TSEN34: variants seen among roughly 807,000 people sequenced by gnomAD.
The protein encoded by TSEN34 is tRNA-splicing endonuclease subunit Sen34.
In TSEN34, 25 loss-of-function variants were observed where a neutral mutation model predicts 30.2. The ratio of observed to expected loss-of-function variants is 0.83; its 90% confidence interval spans 0.60 to 1.16. TSEN34 has a LOEUF of 1.16. Ranked by LOEUF, TSEN34 falls within the 50% of genes most tolerant of loss-of-function variation. The probability of loss-of-function intolerance (pLI) is 0.00; values close to 1 mark genes in which losing one functional copy is unlikely to be tolerated. For synonymous variants in TSEN34, 209 were observed against 177.4 expected, an observed-to-expected ratio of 1.18 and a Z score of -1.41; for missense variants, 475 against 411.9, an observed-to-expected ratio of 1.15 and a Z score of -1.33.
Position 54,191,391 on chromosome 19 carries a change from C to A in TSEN34, c.27C>A (p.Gly9=). ...TGCTGGTGGTGGAGGTGGCGAACGG[C>A]CGCTCCCTGGTGTGGGGAGCCGAGG... MLVVEVAN[G]RSLVWGAEAV... is the part of the protein sequence containing the mutation. The change falls in exon 1 of 4, where the codon GGC becomes GGA. Residue 9 remains glycine (G), a synonymous_variant. Transcript: ENST00000396388. 1 of 1,549,622 alleles carries A rather than the reference C, an allele frequency of 6.5e-7. No homozygotes were observed. Among genetic ancestry groups the A allele is most frequent in the Non-Finnish European group, 8.7e-7 (1 of 1,146,982 alleles).
At chr19:54,189,828 C>T (rs535733073), upstream of TSEN34, 1 of 162,370 alleles carries the variant, frequency 6.2e-6, no homozygotes, top group Non-Finnish European at 1.4e-5. Flanking sequence ...AGAGCTGAGG[C>T]CACTGTGGGC....
rs1463298158 is a variant in TSEN34, at chr19:54,191,862, C to T, written c.385C>T (p.Gln129Ter). The T allele has an allele frequency of 6.2e-7, 1 of 1,614,104 alleles. No homozygotes were observed. The highest frequency in any genetic ancestry group is 1.7e-5 in the Admixed American group (1 of 60,020). ...GGCTGCTAAGAAGCAGAAACTAGAA[C>T]AGGCTTCAGGGGCCAGCTCAAGCCA... is the stretch of plus-strand genomic sequence containing the variant. Reference protein sequence around the residue: ...GQAAKKQKLEQASGASSSQEA... With the variant: ...GQAAKKQKLE Residue 129 changes from glutamine to a stop codon, truncating the protein, a stop_gained, in exon 2 of 4, where the codon CAG (glutamine) becomes TAG (stop). Transcript: ENST00000396388. LOFTEE classifies it high-confidence loss of function.
upstream of TSEN34, chr19:54,190,546 G>A (rs1038998501): frequency 2.1e-5 from 26 of 1,255,342 alleles, 1 homozygote; most frequent in Admixed American, 7.3e-4. Flanking sequence ...CCCCAACTGG[G>A]GTGCGCTGGC....
upstream of TSEN34, chr19:54,191,195 G>A (rs2076671782): frequency 7.2e-7 from 1 of 1,388,944 alleles, no homozygotes; most frequent in East Asian, 2.9e-5. Flanking sequence ...CCGGGGGCGG[G>A]GCCTGGCGCT....
At position 54,193,982 on chromosome 19, in the gene TSEN34, G is replaced by A. The variant is rs1046459097; in HGVS notation, c.*620G>A. ...TTTTGGAGGCCAAGGCAGGGGGATC[G>A]CTTGAGCCCAGGAGTTTGAGACCAG... On this transcript the variant is annotated 3_prime_UTR_variant, in exon 4 of 4. Transcript: ENST00000396388. 10 of 356,214 alleles carry A rather than the reference G, an allele frequency of 2.8e-5. No homozygotes were observed. Among genetic ancestry groups the A allele is most frequent in the Middle Eastern group, 1.7e-3 (2 of 1,162 alleles). 22.1% of individuals were successfully genotyped at this position (356,214 alleles called of 1,614,324 possible). A position where few individuals can be genotyped will look rare whatever the true frequency, so the allele number is the denominator to read the frequency against.
rs753487405 is a variant in TSEN34 at position 54,192,269 on chromosome 19, G to A, written c.641G>A (p.Arg214His). 6.8e-6 allele frequency: 11 copies of A among 1,613,888 alleles called. No homozygotes were observed. The highest frequency in any genetic ancestry group is 2.7e-5 in the African/African-American group (2 of 74,872). Residue 214 changes from arginine to histidine, a missense_variant, in exon 3 of 4, where the codon CGC becomes CAC. Arg to His is a conservative substitution (Grantham distance 29). Transcript: ENST00000396388. ...TCTAAAGACTGGCCCCACGCCGGCC[G>A]CCCTGCCCACGAGCTGCGCTACAGT... is the stretch of plus-strand genomic sequence containing the variant. Reference protein sequence around the residue: ...VQSKDWPHAGRPAHELRYSIY... With the variant: ...VQSKDWPHAGHPAHELRYSIY...
chr19:54,193,090 C>T (rs541997776), intron 3 of TSEN34, 85 bp from the exon 4 acceptor site: 13 of 1,588,720 alleles, frequency 8.2e-6, no homozygotes, highest in Admixed American at 3.4e-5. Flanking sequence ...CTGAAATGAT[C>T]TCAGATCTCC....
chr19:54,189,988 T>C (rs2076600341), upstream of TSEN34: 33 of 459,964 alleles, frequency 7.2e-5, no homozygotes, highest in South Asian at 8.7e-4. Context: ...GACGCTAGGA[T>C]GATAGGCGGA....
chr19:54,191,832 G>A lies in TSEN34; in HGVS notation c.355G>A (p.Gly119Ser), dbSNP rs754500735. 3.1e-6 allele frequency: 5 copies of A among 1,614,054 alleles called. No individual in the cohort carries two copies. The highest frequency in any genetic ancestry group is 2.5e-6 in the Non-Finnish European group (3 of 1,180,024). The change falls in exon 2 of 4, where the codon GGC becomes AGC. Residue 119 changes from glycine to serine, a missense_variant. Coordinates refer to ENST00000396388, the MANE Select transcript of TSEN34 (RefSeq NM_001077446.4). The stretch of plus-strand genomic sequence containing the variant: ...GGAGCTCCTGGAGAAGATTACGGAG[G>A]GCCAGGCTGCTAAGAAGCAGAAACT... ...RQELLEKITE[G>S]QAAKKQKLEQ... is the part of the protein sequence containing the mutation.
upstream of TSEN34, chr19:54,190,540 A>T: frequency 7.9e-7 from 1 of 1,265,698 alleles, no homozygotes. Flanking sequence ...GGAACTCCCC[A>T]ACTGGGGTGC....
upstream of TSEN34, chr19:54,191,303 G>C: frequency 1.3e-6 from 2 of 1,546,278 alleles, no homozygotes; most frequent in Non-Finnish European, 1.7e-6. Context: ...TGGGTGCGCT[G>C]CAGCGGTCCG....
At position 54,191,308 on chromosome 19, in the gene TSEN34, GGTCCGCGGCGCGCAGCT is replaced by G. The variant is rs2076679247; in HGVS notation, c.-54_-38del. On this transcript the variant is annotated 5_prime_UTR_variant, in exon 1 of 4. Coordinates refer to ENST00000396388, the MANE Select transcript of TSEN34 (RefSeq NM_001077446.4). ...CCGGAGGCTTTGGGTGCGCTGCAGC[GGTCCGCGGCGCGCAGCT>G]GTTTCGGTAACTGCTTTGCCTCCCG... The G allele has an allele frequency of 1.3e-6, 2 of 1,546,788 alleles. No individual in the cohort carries two copies.
At chr19:54,191,007 A>T (rs2076657480), upstream of TSEN34, 2 of 1,117,930 alleles carry the variant, frequency 1.8e-6, no homozygotes, top group Non-Finnish European at 2.2e-6. Context: ...GCGCTTGCGG[A>T]GGTTTGTTTT....
At chr19:54,193,147 T>G in intron 3 of TSEN34, 28 bp from the exon 4 acceptor site, 2 of 1,612,450 alleles carry the variant, frequency 1.2e-6, no homozygotes, top group Non-Finnish European at 8.5e-7. Context: ...CATTGGTCAC[T>G]GCTTCAGTGC....
chr19:54,192,308 T>C lies in TSEN34; in HGVS notation c.680T>C (p.Leu227Pro). Residue 227 changes from leucine (L) to proline (P), a missense_variant, in exon 3 of 4, where the codon CTG (leucine) becomes CCG (proline). Leu to Pro is a moderately conservative substitution (Grantham distance 98). Transcript: ENST00000396388. ...CTGCGCTACAGTATCTACAGAGACCTGTGGGAGCGAGGCTTCTTCCTCAGT... is the reference window on the plus strand; with the variant it reads ...CTGCGCTACAGTATCTACAGAGACCCGTGGGAGCGAGGCTTCTTCCTCAGT... Reference protein sequence around the residue: ...HELRYSIYRDLWERGFFLSAA... With the variant: ...HELRYSIYRDPWERGFFLSAA... 6.2e-7 allele frequency: 1 copy of C among 1,614,122 alleles called. No homozygotes were observed. The highest frequency in any genetic ancestry group is 8.5e-7 in the Non-Finnish European group (1 of 1,180,018).
In TSEN34 at chr19:54,193,406, C is replaced by T; in HGVS notation, c.*44C>T. On this transcript the variant is annotated 3_prime_UTR_variant, in exon 4 of 4. Coordinates refer to ENST00000396388, the MANE Select transcript of TSEN34 (RefSeq NM_001077446.4). Reference sequence around the variant, plus strand: ...ATGTGGCTGTGTCGGCAGCAAGAGCCTTTCTGGATGTTCCCCAGCTCTTCT... The same window carrying T: ...ATGTGGCTGTGTCGGCAGCAAGAGCTTTTCTGGATGTTCCCCAGCTCTTCT... 1.9e-6 allele frequency: 3 copies of T among 1,612,382 alleles called. No individual in the cohort carries two copies. Among genetic ancestry groups the T allele is most frequent in the Non-Finnish European group, 2.5e-6 (3 of 1,179,256 alleles).
At position 54,193,517 on chromosome 19, in the gene TSEN34, T is replaced by G; in HGVS notation, c.*155T>G. The G allele has an allele frequency of 6.5e-7, 1 of 1,540,672 alleles. No individual in the cohort carries two copies. The highest frequency in any genetic ancestry group is 1.4e-5 in the African/African-American group (1 of 72,900). On this transcript the variant is annotated 3_prime_UTR_variant, in exon 4 of 4. Coordinates refer to ENST00000396388, the MANE Select transcript of TSEN34 (RefSeq NM_001077446.4). ...GAACACTACATCTTTTTTATGTTCT[T>G]CCTTGTTTCAAAGCACTTATTGGCT... is the stretch of plus-strand genomic sequence containing the variant.
chr19:54,190,800 A>G, upstream of TSEN34: 1 of 1,094,082 alleles, frequency 9.1e-7, no homozygotes, highest in Non-Finnish European at 1.1e-6. Flanking sequence ...GGAGTCTGAG[A>G]GCGAGGAGGT....
At chr19:54,190,102 G>A (rs543283433), upstream of TSEN34, 42 of 541,336 alleles carry the variant, frequency 7.8e-5, no homozygotes, top group Non-Finnish European at 1.3e-4. Context: ...GCGCCTACGG[G>A]ACCGGGCCAG....
Sources: gnomAD v4.1 joint callset for allele counts on GRCh38, gnomAD v4.1.1 for gene constraint, MANE v1.5 for transcripts, NCBI Gene and HGNC (gene_info 2026-07-23, HGNC 2026-07-21) for gene names.